Variants in QRFPR observed in about 807,000 individuals in gnomAD.
QRFPR encodes pyroglutamylated RF-amide peptide receptor.
A neutral mutation model predicts 31.3 loss-of-function variants in QRFPR; 37 were observed. That is an observed-to-expected ratio of 1.18 (90% CI 0.91 to 1.56). The LOEUF (loss-of-function observed/expected upper bound fraction) is 1.56. Ranked by LOEUF, QRFPR falls within the 40% of genes most tolerant of loss-of-function variation. The probability of loss-of-function intolerance (pLI) is 0.00; values close to 1 mark genes in which losing one functional copy is unlikely to be tolerated. For synonymous variants in QRFPR, 197 were observed against 192.0 expected (o/e 1.03, Z -0.22); for missense variants, 542 against 532.5 (o/e 1.02, Z -0.18).
At chr4:121,347,969 C>T (rs751374736) in intron 1 of QRFPR, among the ~76,000 whole-genome samples, 9 of 152,028 alleles carry the variant, frequency 5.9e-5, no homozygotes, top group Non-Finnish European at 1.2e-4. Context: ...TTTTAATCTG[C>T]TTTTTATATG....
intron 1 of QRFPR, among the ~76,000 whole-genome samples, chr4:121,365,533 T>G (rs1243177259): frequency 1.1e-4 from 1 of 8,894 alleles, no homozygotes; most frequent in Non-Finnish European, 2.0e-4. Context: ...ATATTATATA[T>G]AATATATATT....
chr4:121,343,061 C>G (rs527907188), intron 1 of QRFPR, among the ~76,000 whole-genome samples: 1 of 152,182 alleles, frequency 6.6e-6, no homozygotes, highest in Non-Finnish European at 1.5e-5. Flanking sequence ...CGCCCATGGA[C>G]CATGGCCATG....
intron 1 of QRFPR, among the ~76,000 whole-genome samples, chr4:121,345,910 T>C (rs747953290): frequency 2.8e-4 from 42 of 152,312 alleles, no homozygotes; most frequent in Non-Finnish European, 5.4e-4. Context: ...CTTTAGTGTG[T>C]AACAGGGACT....
intron 1 of QRFPR, 76 bp from the exon 2 acceptor site, chr4:121,340,686 C>T: frequency 1.4e-6 from 2 of 1,400,110 alleles, no homozygotes; most frequent in Non-Finnish European, 1.9e-6. Context: ...TTGTAATTAT[C>T]ACTATCAGTC....
At chr4:121,335,582 G>GA (rs1357020158) in intron 3 of QRFPR, among the ~76,000 whole-genome samples, 1 of 74,260 alleles carries the variant, frequency 1.3e-5, no homozygotes, top group Non-Finnish European at 2.9e-5. Context: ...GGGGGGTGGG[G>GA]GGTGGGGCGG....
chr4:121,335,616 G>C (rs1273423110), intron 3 of QRFPR, among the ~76,000 whole-genome samples: 2 of 150,496 alleles, frequency 1.3e-5, no homozygotes, highest in Non-Finnish European at 3.0e-5. Context: ...GCAGGGGAGA[G>C]AAAAAGAAAC....
Position 121,370,120 on chromosome 4 carries a change from T to C in QRFPR, c.340+10188A>G, listed in dbSNP as rs1394608781. 9.1e-6 allele frequency: 7 copies of C among 767,062 alleles called. No individual in the cohort carries two copies. The African/African-American group carries it at 1.2e-4, about 13-fold the overall frequency. The allele number at this position is 767,062 out of a possible 1,614,324, so 47.5% of individuals were successfully genotyped here. On this transcript the variant is annotated intron_variant, in intron 1 of 5. Coordinates refer to ENST00000394427, the MANE Select transcript of QRFPR (RefSeq NM_198179.3). Reference sequence around the variant, plus strand: ...CAGGGACTGGCAGGGGAGGGTAGACTGGCCTCTCCTTCCTCCACCTTGGTG... The same window carrying C: ...CAGGGACTGGCAGGGGAGGGTAGACCGGCCTCTCCTTCCTCCACCTTGGTG...
At position 121,329,639 on chromosome 4, in the gene QRFPR, T is replaced by G. The variant is rs772588977; in HGVS notation, c.971A>C (p.Asn324Thr). 1.3e-6 allele frequency: 2 copies of G among 1,599,990 alleles called. No homozygotes were observed. The highest frequency in any genetic ancestry group is 1.7e-6 in the Non-Finnish European group (2 of 1,174,114). ...FAIVQIIGFS[N>T]SICNPIVYAF... ...ATAGACAATGGGATTACAGATGGAG[T>G]TGGAAAATCCAATAATTTGCACGAT... The change falls in exon 6 of 6, where the codon AAC becomes ACC. Residue 324 changes from asparagine to threonine, a missense_variant. By Grantham distance (65) the Asn-to-Thr change is moderately conservative (BLOSUM62 0). Coordinates refer to ENST00000394427, the MANE Select transcript of QRFPR (RefSeq NM_198179.3).
At chr4:121,352,887 T>A (rs530841934) in intron 1 of QRFPR, among the ~76,000 whole-genome samples, 52 of 152,204 alleles carry the variant, frequency 3.4e-4, no homozygotes, top group Admixed American at 8.5e-4. Flanking sequence ...CTACCCTTTC[T>A]CTGGTAACTA....
chr4:121,331,055 C>G (rs1264961370), intron 4 of QRFPR, among the ~76,000 whole-genome samples: 2 of 150,620 alleles, frequency 1.3e-5, no homozygotes, highest in Non-Finnish European at 2.9e-5. Flanking sequence ...TTAGTGAGTC[C>G]AGAAGTTCAA....
chr4:121,369,971 C>T, intron 1 of QRFPR: 1 of 764,874 alleles, frequency 1.3e-6, no homozygotes, highest in South Asian at 1.4e-5. Flanking sequence ...TCTCTCAGCC[C>T]TGCCTGTTGC....
intron 1 of QRFPR, among the ~76,000 whole-genome samples, chr4:121,357,564 G>T (rs998130532): frequency 6.6e-6 from 1 of 152,126 alleles, no homozygotes; most frequent in African/African-American, 2.4e-5. Flanking sequence ...CCCCTACACT[G>T]GGAATTCTAA....
intron 1 of QRFPR, among the ~76,000 whole-genome samples, chr4:121,362,649 A>G (rs1726015461): frequency 6.7e-6 from 1 of 150,340 alleles, no homozygotes; most frequent in Non-Finnish European, 1.5e-5. Flanking sequence ...AGAATAGAAT[A>G]GAGAGCTCAG....
intron 1 of QRFPR, among the ~76,000 whole-genome samples, chr4:121,343,374 T>C (rs1245321861): frequency 2.6e-5 from 4 of 152,232 alleles, no homozygotes; most frequent in African/African-American, 7.2e-5. Context: ...CCAATCCTTT[T>C]TGGGGGCTCC....
chr4:121,377,196 A>T (rs1298355926), intron 1 of QRFPR, among the ~76,000 whole-genome samples: 1 of 152,092 alleles, frequency 6.6e-6, no homozygotes, highest in African/African-American at 2.4e-5. Context: ...TCAGAAGGAG[A>T]GGTGGGGAAG....
intron 1 of QRFPR, among the ~76,000 whole-genome samples, chr4:121,364,390 A>C (rs1410626377): frequency 6.7e-6 from 1 of 150,254 alleles, no homozygotes; most frequent in Non-Finnish European, 1.5e-5. Flanking sequence ...TAATCCCAGC[A>C]CTTTGGGAGG....
intron 1 of QRFPR, among the ~76,000 whole-genome samples, chr4:121,355,050 C>T (rs1579580399): frequency 6.6e-6 from 1 of 151,858 alleles, no homozygotes; most frequent in African/African-American, 2.4e-5. Context: ...TGTGTCTTTG[C>T]CTGGTTTTTG....
At position 121,362,162 on chromosome 4, in the gene QRFPR, T is replaced by G. The variant is rs1230473915; in HGVS notation, c.340+18146A>C. Reference sequence around the variant, plus strand: ...CAGCCTCTCACCTAATGATTTTTGTTAGAGATTTTCTTAAGGTTTTTTAAT... The same window carrying G: ...CAGCCTCTCACCTAATGATTTTTGTGAGAGATTTTCTTAAGGTTTTTTAAT... On this transcript the variant is annotated intron_variant, in intron 1 of 5. Transcript: ENST00000394427. Among the ~76,000 whole-genome samples, 2 of 150,078 alleles carry G rather than the reference T, an allele frequency of 1.3e-5. 1 individual carries two copies. The highest frequency in any genetic ancestry group is 4.9e-5 in the African/African-American group (2 of 40,496).
At chr4:121,368,229 T>C (rs1410913011) in intron 1 of QRFPR, among the ~76,000 whole-genome samples, 1 of 149,838 alleles carries the variant, frequency 6.7e-6, no homozygotes, top group Non-Finnish European at 1.5e-5. Context: ...CCACAGACGT[T>C]CCAGGCCCTG....
Sources: gnomAD v4.1 joint callset for allele counts (sites outside exome capture counted in the v4.1 genomes callset) on GRCh38, gnomAD v4.1.1 for gene constraint, MANE v1.5 for transcripts, NCBI Gene and HGNC (gene_info 2026-07-23, HGNC 2026-07-21) for gene names.